The following CELF2 variants were observed in gnomAD, a reference collection of about 807,000 sequenced individuals.
The protein encoded by CELF2 is CUG triplet repeat RNA-binding protein 2.
CELF2 carries 8 observed loss-of-function variants against 62.6 expected under a neutral mutation model. That is an observed-to-expected ratio of 0.13 (90% CI 0.07 to 0.23). The LOEUF (loss-of-function observed/expected upper bound fraction) is 0.23. CELF2 is among the 10% of genes least tolerant of loss of function. CELF2 has a pLI of 1.00. For synonymous variants in CELF2, 258 were observed against 250.0 expected (o/e 1.03, Z -0.30); for missense variants, 333 against 671.0 (o/e 0.50, Z 5.56).
chr10:10,736,388 C>CTT, the CELF2 span, among the ~76,000 whole-genome samples: 1 of 79,940 alleles, frequency 1.3e-5, no homozygotes, highest in African/African-American at 5.1e-5. Context: ...TTCTTTCTTT[C>CTT]TTTCTTTCTT....
At chr10:10,627,899 T>C in the CELF2 span, among the ~76,000 whole-genome samples, 1 of 152,214 alleles carries the variant, frequency 6.6e-6, no homozygotes, top group Non-Finnish European at 1.5e-5. Context: ...CCTAATTCTT[T>C]ATAATTATTT....
At chr10:11,194,657 C>G (rs1470744425) in intron 2 of CELF2, among the ~76,000 whole-genome samples, 1 of 152,128 alleles carries the variant, frequency 6.6e-6, no homozygotes, top group African/African-American at 2.4e-5. Context: ...TTATTATCAG[C>G]AAAGATCAGT....
rs1233488939 is a variant in CELF2, at chr10:11,086,591, A to AC, written c.74+68428_74+68429insC. Among the ~76,000 whole-genome samples the AC allele has an allele frequency of 1.1e-3, 143 of 131,282 alleles. 3 individuals carry two copies. The highest frequency in any genetic ancestry group is 4.5e-3 in the African/African-American group (137 of 30,612). 86.1% of individuals were successfully genotyped at this position (131,282 alleles called of 152,430 possible). ...ATTTGCATTTGTTAAAAAAAAAAAAAAAAAAAAAAAAAAAAAAAACTCCCG... is the reference window on the plus strand; with the variant it reads ...ATTTGCATTTGTTAAAAAAAAAAAAACAAAAAAAAAAAAAAAAAAACTCCCG... On this transcript the variant is annotated intron_variant, in intron 1 of 12. Coordinates refer to ENST00000633077, the MANE Select transcript of CELF2 (RefSeq NM_001326342.2).
At chr10:11,284,976 T>G (rs1380463260) in intron 8 of CELF2, among the ~76,000 whole-genome samples, 1 of 32,290 alleles carries the variant, frequency 3.1e-5, no homozygotes, top group African/African-American at 1.0e-4. Context: ...TGGATGAGTG[T>G]GTGGATGAGA....
intron 4 of CELF2, among the ~76,000 whole-genome samples, chr10:11,251,716 A>G (rs1294898356): frequency 1.3e-5 from 2 of 152,206 alleles, no homozygotes; most frequent in East Asian, 3.8e-4. Context: ...TGTCATCTGA[A>G]CACTTGTTGT....
chr10:10,670,815 A>G, the CELF2 span, among the ~76,000 whole-genome samples: 2 of 147,474 alleles, frequency 1.4e-5, no homozygotes, highest in Admixed American at 1.3e-4. Context: ...TGCCTTTTGC[A>G]GAATGTCATA....
intron 1 of CELF2, among the ~76,000 whole-genome samples, chr10:11,068,049 C>T (rs1256937847): frequency 2.0e-5 from 3 of 152,188 alleles, no homozygotes; most frequent in Admixed American, 1.3e-4. Flanking sequence ...CAATAGTGGG[C>T]ACTTCTCACC....
chr10:11,212,331 G>A (rs929577014), intron 2 of CELF2, among the ~76,000 whole-genome samples: 7 of 152,112 alleles, frequency 4.6e-5, no homozygotes, highest in Admixed American at 2.6e-4. Context: ...GATGCTCCCT[G>A]TGAGGCCCCC....
chr10:10,886,618 C>T (rs1021521615), intron 1 of CELF2, among the ~76,000 whole-genome samples: 7 of 152,194 alleles, frequency 4.6e-5, no homozygotes, highest in African/African-American at 1.7e-4. Context: ...AGGAGGATGG[C>T]TTGAGCCTGG....
Position 10,988,392 on chromosome 10 carries a change from T to C in CELF2, c.89+68393T>C, listed in dbSNP as rs184027628. Among the ~76,000 whole-genome samples the C allele has an allele frequency of 5.3e-5, 8 of 152,158 alleles. No homozygotes were observed. In the East Asian group the frequency reaches 1.4e-3, roughly 26 times the overall value. On this transcript the variant is annotated intron_variant, in intron 2 of 13. Coordinates refer to the CELF2 transcript ENST00000636488. Reference sequence around the variant, plus strand: ...ACTTGGTTGGAGCCAGAGGCCATTATTCTAAGTGAAGTAACTCAGGAATGG... The same window carrying C: ...ACTTGGTTGGAGCCAGAGGCCATTACTCTAAGTGAAGTAACTCAGGAATGG...
chr10:11,115,928 T>C (rs987706662), intron 1 of CELF2, among the ~76,000 whole-genome samples: 1 of 152,216 alleles, frequency 6.6e-6, no homozygotes, highest in Non-Finnish European at 1.5e-5. Context: ...CTTTGTAATA[T>C]ATCTGACATT....
the CELF2 span, among the ~76,000 whole-genome samples, chr10:10,736,182 C>T: frequency 6.6e-6 from 1 of 152,146 alleles, no homozygotes; most frequent in Non-Finnish European, 1.5e-5. Flanking sequence ...CTGAAAAGAG[C>T]TTGGTCCGAT....
chr10:10,621,578 A>G, the CELF2 span, among the ~76,000 whole-genome samples: 5 of 152,288 alleles, frequency 3.3e-5, no homozygotes, highest in East Asian at 7.7e-4. Flanking sequence ...TCTGAAGGGT[A>G]CCCACATAAG....
the CELF2 span, among the ~76,000 whole-genome samples, chr10:10,649,356 G>A: frequency 6.6e-6 from 1 of 152,038 alleles, no homozygotes; most frequent in Admixed American, 6.6e-5. Flanking sequence ...TTTCTCTTTT[G>A]TATATACTCA....
At chr10:10,722,600 T>A in the CELF2 span, among the ~76,000 whole-genome samples, 1 of 152,226 alleles carries the variant, frequency 6.6e-6, no homozygotes, top group Admixed American at 6.5e-5. Flanking sequence ...ATTTTTATAA[T>A]TAAAAACTTC....
chr10:11,034,142 T>A lies in CELF2; in HGVS notation c.74+15979T>A, dbSNP rs574204949. Among the ~76,000 whole-genome samples the A allele has an allele frequency of 8.7e-4, 133 of 152,360 alleles. 3 individuals carry two copies. The South Asian group carries it at 0.026, about 30-fold the overall frequency. ...CTTAAATATTTGATGACTCTGGGCT[T>A]TTGTCCTGTTGACTTTGCCTGTATT... On this transcript the variant is annotated intron_variant, in intron 1 of 12. Coordinates refer to ENST00000633077, the MANE Select transcript of CELF2 (RefSeq NM_001326342.2).
At chr10:10,547,659 C>A in the CELF2 span, among the ~76,000 whole-genome samples, 8 of 144,344 alleles carry the variant, frequency 5.5e-5, no homozygotes, top group East Asian at 1.1e-3. Flanking sequence ...CTTGTTCTTA[C>A]AACACCAAAA....
At chr10:11,093,911 T>C (rs188766233) in intron 1 of CELF2, among the ~76,000 whole-genome samples, 1 of 152,338 alleles carries the variant, frequency 6.6e-6, no homozygotes, top group East Asian at 1.9e-4. Context: ...TCTTCTAAGG[T>C]TGAGTCAGTG....
the CELF2 span, among the ~76,000 whole-genome samples, chr10:10,587,488 C>T: frequency 2.6e-5 from 4 of 152,114 alleles, no homozygotes; most frequent in African/African-American, 9.7e-5. Context: ...CAGAAGCCTT[C>T]CCAATTATTT....
Sources: allele counts gnomAD v4.1 joint callset (sites outside exome capture counted in the v4.1 genomes callset), GRCh38; gene constraint gnomAD v4.1.1; transcripts MANE v1.5; gene names NCBI Gene and HGNC (gene_info 2026-07-23, HGNC 2026-07-21).